SEMA6D: variants seen among roughly 807,000 people sequenced by gnomAD.
SEMA6D encodes semaphorin 6D.
SEMA6D carries 35 observed loss-of-function variants against 106.6 expected under a neutral mutation model. The observed-to-expected ratio is 0.33, with a 90% CI of 0.25 to 0.44. The LOEUF is 0.44. Among genes scored for constraint, SEMA6D ranks in the 20% least tolerant of loss-of-function variants. The pLI, the probability that SEMA6D is intolerant of heterozygous loss-of-function variation, is 1.00. For synonymous variants in SEMA6D, 499 were observed against 487.7 expected (o/e 1.02, Z -0.31); for missense variants, 1,185 against 1,345.9 (o/e 0.88, Z 1.87).
intron 4 of SEMA6D, among the ~76,000 whole-genome samples, chr15:47,700,708 T>G (rs952710682): frequency 2.0e-5 from 3 of 152,124 alleles, no homozygotes; most frequent in African/African-American, 7.2e-5. Flanking sequence ...GAGAATCGCT[T>G]GAGCCCAGGG....
chr15:47,193,169 A>G (rs1894083780), intron 1 of SEMA6D, among the ~76,000 whole-genome samples: 1 of 152,142 alleles, frequency 6.6e-6, no homozygotes, highest in Non-Finnish European at 1.5e-5. Context: ...GCTTTCCCTT[A>G]ATAGCTGTGA....
rs1418019365 is a variant in SEMA6D, at chr15:47,710,340, A to AT, written c.-54-49400dup. Among the ~76,000 whole-genome samples the AT allele has an allele frequency of 3.9e-5, 6 of 152,180 alleles. No individual in the cohort carries two copies. The East Asian group carries it at 5.8e-4, about 15-fold the overall frequency. ...CCTGGAAACTGTCTTCAGAAAACAA[A>AT]TTTTTGAGTTAACATATTTAATAGT... is the stretch of plus-strand genomic sequence containing the variant. On this transcript the variant is annotated intron_variant, in intron 4 of 19. Transcript: ENST00000558014.
At chr15:47,570,053 C>T (rs116841154) in intron 3 of SEMA6D, among the ~76,000 whole-genome samples, 10,004 of 150,996 alleles carry the variant, frequency 0.066, 508 homozygotes, top group East Asian at 0.24. Context: ...CAGAGGGAGA[C>T]TCCATCTCAA....
At chr15:47,300,281 G>A (rs933188379) in intron 1 of SEMA6D, among the ~76,000 whole-genome samples, 6 of 152,142 alleles carry the variant, frequency 3.9e-5, no homozygotes, top group African/African-American at 1.4e-4. Context: ...TGTATTGTCT[G>A]TAGTGCCAAG....
intron 4 of SEMA6D, among the ~76,000 whole-genome samples, chr15:47,705,297 G>A (rs1274068296): frequency 6.6e-6 from 1 of 151,976 alleles, no homozygotes; most frequent in Non-Finnish European, 1.5e-5. Context: ...ACTGGACTTT[G>A]GTAATATCTA....
At chr15:47,750,270 T>C (rs1466710971) in intron 1 of SEMA6D, among the ~76,000 whole-genome samples, 1 of 152,176 alleles carries the variant, frequency 6.6e-6, no homozygotes, top group Non-Finnish European at 1.5e-5. Context: ...TACACCAGGA[T>C]GTTTATCCCA....
chr15:47,613,243 G>A (rs1029778463), intron 4 of SEMA6D, among the ~76,000 whole-genome samples: 1 of 152,080 alleles, frequency 6.6e-6, no homozygotes, highest in African/African-American at 2.4e-5. Flanking sequence ...TTGGTGGAAG[G>A]GTAGGTTTGA....
chr15:47,575,296 G>C (rs534048459), intron 3 of SEMA6D, among the ~76,000 whole-genome samples: 380 of 152,280 alleles, frequency 2.5e-3, no homozygotes, highest in African/African-American at 8.7e-3. Context: ...AAAGTGGTTA[G>C]GCAGGGAGGG....
intron 1 of SEMA6D, among the ~76,000 whole-genome samples, chr15:47,323,657 C>T (rs2037012134): frequency 6.6e-6 from 1 of 152,110 alleles, no homozygotes; most frequent in Admixed American, 6.5e-5. Context: ...CTATCCTTGG[C>T]TTGAAGGCGG....
intron 2 of SEMA6D, among the ~76,000 whole-genome samples, chr15:47,457,348 T>C (rs1156440386): frequency 6.6e-6 from 1 of 151,792 alleles, no homozygotes; most frequent in East Asian, 1.9e-4. Context: ...CACGTTTTAT[T>C]AGGAGAAATA....
chr15:47,423,478 A>T (rs1203601838), intron 2 of SEMA6D, among the ~76,000 whole-genome samples: 1 of 152,100 alleles, frequency 6.6e-6, no homozygotes, highest in Non-Finnish European at 1.5e-5. Context: ...ATTTAATAAC[A>T]TACTTGATAG....
intron 4 of SEMA6D, among the ~76,000 whole-genome samples, chr15:47,688,156 G>A (rs1019928865): frequency 6.6e-6 from 1 of 152,118 alleles, no homozygotes; most frequent in Non-Finnish European, 1.5e-5. Flanking sequence ...TTTACACTAA[G>A]TTCATAGAGT....
intron 4 of SEMA6D, among the ~76,000 whole-genome samples, chr15:47,701,922 A>C (rs2078820663): frequency 6.6e-6 from 1 of 152,146 alleles, no homozygotes; most frequent in African/African-American, 2.4e-5. Flanking sequence ...TTGTGAGCAC[A>C]TCCTCTGAAC....
chr15:47,530,189 C>T (rs2142051098), intron 3 of SEMA6D, among the ~76,000 whole-genome samples: 1 of 152,312 alleles, frequency 6.6e-6, no homozygotes, highest in African/African-American at 2.4e-5. Flanking sequence ...TTTGCTTTGA[C>T]AGATACATAC....
At chr15:47,515,151 C>G (rs1458832459) in intron 3 of SEMA6D, among the ~76,000 whole-genome samples, 4 of 152,118 alleles carry the variant, frequency 2.6e-5, no homozygotes, top group African/African-American at 9.7e-5. Context: ...AAATGACCAT[C>G]CTCCAACCAT....
chr15:47,513,382 C>G (rs1385259836), intron 3 of SEMA6D, among the ~76,000 whole-genome samples: 1 of 152,130 alleles, frequency 6.6e-6, no homozygotes, highest in Non-Finnish European at 1.5e-5. Flanking sequence ...TCTTACAGTA[C>G]TAATCTCTAT....
intron 1 of SEMA6D, among the ~76,000 whole-genome samples, chr15:47,254,174 T>C (rs968762772): frequency 6.6e-6 from 1 of 151,766 alleles, no homozygotes; most frequent in Admixed American, 6.6e-5. Flanking sequence ...GCTACTGATT[T>C]GTGTGTGTTG....
upstream of SEMA6D, chr15:47,717,040 G>A (rs987911589): frequency 6.6e-6 from 1 of 152,158 alleles, no homozygotes; most frequent in Admixed American, 6.5e-5. Context: ...AGCTCTCCTG[G>A]GCTGCAGTGA....
chr15:47,270,532 C>A (rs1043430072), intron 1 of SEMA6D, among the ~76,000 whole-genome samples: 13 of 152,024 alleles, frequency 8.6e-5, no homozygotes, highest in Non-Finnish European at 1.6e-4. Flanking sequence ...ATATCCTTGC[C>A]TTCTTCTCAA....
Sources: gnomAD v4.1 joint callset for allele counts (sites outside exome capture counted in the v4.1 genomes callset) on GRCh38, gnomAD v4.1.1 for gene constraint, MANE v1.5 for transcripts, NCBI Gene and HGNC (gene_info 2026-07-23, HGNC 2026-07-21) for gene names.